The following UPF2 variants were observed in gnomAD, a reference collection of about 807,000 sequenced individuals.
UPF2 encodes the protein UPF2 regulator of nonsense mediated mRNA decay.
Under a neutral mutation model 141.4 loss-of-function variants are expected in UPF2, and 17 were observed. The observed-to-expected ratio is 0.12, with a 90% CI of 0.08 to 0.18. The LOEUF is 0.18. Among genes scored for constraint, UPF2 ranks in the 10% least tolerant of loss-of-function variants. UPF2 has a pLI of 1.00. For missense variants in UPF2, 1,152 were observed against 1,515.9 expected (o/e 0.76, Z 3.99); for synonymous variants, 540 against 498.0 (o/e 1.08, Z -1.12).
chr10:12,015,610 A>C (rs1014944549), intron 3 of UPF2, among the ~76,000 whole-genome samples: 1 of 152,108 alleles, frequency 6.6e-6, no homozygotes, highest in African/African-American at 2.4e-5. Flanking sequence ...GCCGAGGCAG[A>C]AGAATCGCTT....
At position 12,029,275 on chromosome 10, in the gene UPF2, A is replaced by G. The variant is rs1385247092; in HGVS notation, c.615T>C (p.Ala205=). 1 of 1,614,112 alleles carries G rather than the reference A, an allele frequency of 6.2e-7. No homozygotes were observed. Among genetic ancestry groups the G allele is most frequent in the Non-Finnish European group, 8.5e-7 (1 of 1,180,060 alleles). Residue 205 remains alanine, a synonymous_variant, in exon 3 of 22, where the codon GCT becomes GCC. Coordinates refer to ENST00000357604, the MANE Select transcript of UPF2 (RefSeq NM_015542.4). ...GTTTTGCTTCCACGATGGAAGCTAC[A>G]GCTTCTGCAATGTATTTGCTTAAAT... ...GLNLSKYIAE[A]VASIVEAKLK...
At chr10:11,995,767 G>A (rs1483934655) in intron 8 of UPF2, among the ~76,000 whole-genome samples, 1 of 151,938 alleles carries the variant, frequency 6.6e-6, no homozygotes, top group African/African-American at 2.4e-5. Context: ...TGGGCGACAA[G>A]TGAGACTCTG....
At chr10:12,038,890 C>T (rs538289167) in intron 1 of UPF2, among the ~76,000 whole-genome samples, 123 of 152,192 alleles carry the variant, frequency 8.1e-4, no homozygotes, top group African/African-American at 2.7e-3. Context: ...CTCACACTCC[C>T]GGGCTCAAGG....
intron 16 of UPF2, among the ~76,000 whole-genome samples, chr10:11,948,035 G>A (rs1833025214): frequency 6.6e-6 from 1 of 151,732 alleles, no homozygotes; most frequent in South Asian, 2.1e-4. Flanking sequence ...ATCACCTGAA[G>A]TCAGGGGTTC....
chr10:11,995,136 GGCTGTTCATAGAGGATA>G (rs1479800755), intron 8 of UPF2, among the ~76,000 whole-genome samples: 1 of 152,088 alleles, frequency 6.6e-6, no homozygotes, highest in African/African-American at 2.4e-5. Context: ...AAAAAAGGAA[GGCTGTTCATAGAGGATA>G]GCTCTTGTTA....
intron 8 of UPF2, 139 bp downstream of exon 8, chr10:11,997,532 TA>T: frequency 1.6e-6 from 1 of 619,154 alleles, no homozygotes; most frequent in Non-Finnish European, 2.6e-6. Context: ...AAACAAGTTC[TA>T]AAAAATATGC....
At chr10:12,010,914 G>C (rs1182835431) in intron 4 of UPF2, among the ~76,000 whole-genome samples, 1 of 151,984 alleles carries the variant, frequency 6.6e-6, no homozygotes, top group African/African-American at 2.4e-5. Flanking sequence ...CAAGCTAGAA[G>C]ACAGAGGAGT....
intron 1 of UPF2, 41 bp from the exon 2 acceptor site, chr10:12,035,482 C>T: frequency 6.8e-7 from 1 of 1,459,908 alleles, no homozygotes; most frequent in Non-Finnish European, 9.0e-7. Context: ...GATGCAGTGA[C>T]TTTTTAAAAT....
At chr10:11,957,461 T>C (rs1000988393) in intron 12 of UPF2, among the ~76,000 whole-genome samples, 4 of 151,890 alleles carry the variant, frequency 2.6e-5, no homozygotes, top group Non-Finnish European at 5.9e-5. Flanking sequence ...CCAAGGTTTA[T>C]GAAAAATAAC....
At chr10:11,991,858 AC>A (rs1833786001) in intron 8 of UPF2, among the ~76,000 whole-genome samples, 1 of 152,206 alleles carries the variant, frequency 6.6e-6, no homozygotes, top group Admixed American at 6.5e-5. Context: ...TAGAAAATGA[AC>A]TTCAGGCCAG....
chr10:12,022,291 G>A (rs1834331636), intron 3 of UPF2, among the ~76,000 whole-genome samples: 2 of 148,576 alleles, frequency 1.3e-5, no homozygotes, highest in African/African-American at 2.5e-5. Context: ...ATGTGCCTGT[G>A]GTCCCAGCGA....
chr10:11,943,103 T>A lies in UPF2; in HGVS notation c.3240A>T (p.Thr1080=), dbSNP rs368189597. Residue 1080 remains threonine (T), a synonymous_variant, in exon 17 of 22, where the codon ACA becomes ACT. Transcript: ENST00000357604. ...EEEEENTDYL[T]DSNKENETDE... is the part of the protein sequence containing the mutation. ...CGGTTTCATTTTCCTTATTGGAATC[T>A]GTAAGGTAATCTGTATTCTCTTCCT... The A allele has an allele frequency of 9.9e-6, 16 of 1,612,424 alleles. No individual in the cohort carries two copies. The highest frequency in any genetic ancestry group is 1.4e-5 in the Non-Finnish European group (16 of 1,179,526).
chr10:11,925,643 A>C (rs562438242), intron 21 of UPF2, among the ~76,000 whole-genome samples: 1 of 152,232 alleles, frequency 6.6e-6, no homozygotes, highest in Non-Finnish European at 1.5e-5. Context: ...CAGAAATACC[A>C]TAAGTCATGG....
chr10:11,929,278 T>G (rs1832752806), intron 21 of UPF2, among the ~76,000 whole-genome samples: 1 of 152,244 alleles, frequency 6.6e-6, no homozygotes, highest in Non-Finnish European at 1.5e-5. Flanking sequence ...ACAAAGCCTA[T>G]GATGTCTCTC....
At chr10:11,927,502 T>C (rs945782163) in intron 21 of UPF2, among the ~76,000 whole-genome samples, 1 of 152,204 alleles carries the variant, frequency 6.6e-6, no homozygotes, top group African/African-American at 2.4e-5. Flanking sequence ...TCAAGAACAC[T>C]GTGGCATATA....
intron 9 of UPF2, among the ~76,000 whole-genome samples, chr10:11,974,181 T>C (rs1274957232): frequency 7.0e-6 from 1 of 143,544 alleles, no homozygotes; most frequent in Non-Finnish European, 1.5e-5. Context: ...GCCTCTCTGT[T>C]TGTTATTGGT....
chr10:11,957,126 A>C (rs1833164590), intron 12 of UPF2, among the ~76,000 whole-genome samples: 1 of 150,780 alleles, frequency 6.6e-6, no homozygotes, highest in Admixed American at 6.6e-5. Flanking sequence ...AGTATGGAGT[A>C]GGTCTTTAAA....
At chr10:12,030,543 A>AAAAAAT (rs1554785628) in intron 2 of UPF2, among the ~76,000 whole-genome samples, 3 of 148,920 alleles carry the variant, frequency 2.0e-5, no homozygotes, top group Non-Finnish European at 4.4e-5. Context: ...CTGCCTCAAA[A>AAAAAAT]AATAATAATA....
chr10:12,041,475 A>T (rs1437155357), intron 1 of UPF2, among the ~76,000 whole-genome samples: 1 of 152,216 alleles, frequency 6.6e-6, no homozygotes, highest in African/African-American at 2.4e-5. Flanking sequence ...AAAGAAAGTA[A>T]AACTAATTTA....
Sources: allele counts gnomAD v4.1 joint callset (sites outside exome capture counted in the v4.1 genomes callset), GRCh38; gene constraint gnomAD v4.1.1; transcripts MANE v1.5; gene names NCBI Gene and HGNC (gene_info 2026-07-23, HGNC 2026-07-21).